The following DENND1A variants were observed in gnomAD, a reference collection of about 807,000 sequenced individuals.
DENND1A encodes the protein DENN domain-containing protein 1A.
A neutral mutation model predicts 113.7 loss-of-function variants in DENND1A; 51 were observed. The observed-to-expected ratio is 0.45, with a 90% CI of 0.36 to 0.57. The LOEUF (loss-of-function observed/expected upper bound fraction) is 0.57. Ranked by LOEUF, DENND1A falls within the 20% of genes least tolerant of loss-of-function variation. The pLI, the probability that DENND1A is intolerant of heterozygous loss-of-function variation, is 0.00. For synonymous variants in DENND1A, 565 were observed against 570.8 expected (o/e 0.99, Z 0.14); for missense variants, 1,258 against 1,395.9 (o/e 0.90, Z 1.57).
chr9:123,649,617 A>G (rs1164054362), intron 9 of DENND1A, among the ~76,000 whole-genome samples: 1 of 152,180 alleles, frequency 6.6e-6, no homozygotes, highest in African/African-American at 2.4e-5. Flanking sequence ...AAGTTAAATA[A>G]CCTATTTAAT....
intron 21 of DENND1A, among the ~76,000 whole-genome samples, chr9:123,393,538 T>TAAAAAA (rs556159877): frequency 7.6e-6 from 1 of 131,746 alleles, no homozygotes; most frequent in Non-Finnish European, 1.7e-5. Context: ...CTTAAAAAAA[T>TAAAAAA]AAAAAAAAAA....
At chr9:123,516,702 A>G (rs1388715454) in intron 13 of DENND1A, among the ~76,000 whole-genome samples, 7 of 151,930 alleles carry the variant, frequency 4.6e-5, no homozygotes, top group Non-Finnish European at 5.9e-5. Flanking sequence ...CCTGGCCAAC[A>G]TGGTGAAATC....
intron 19 of DENND1A, among the ~76,000 whole-genome samples, chr9:123,426,644 A>G (rs745331115): frequency 6.6e-6 from 1 of 152,192 alleles, no homozygotes; most frequent in African/African-American, 2.4e-5. Flanking sequence ...GCTGGACTCT[A>G]CAGGGCAATC....
chr9:123,478,178 G>A (rs1423720373), intron 13 of DENND1A, among the ~76,000 whole-genome samples: 1 of 152,200 alleles, frequency 6.6e-6, no homozygotes, highest in East Asian at 1.9e-4. Context: ...GACCTGACAC[G>A]GACTGAACCC....
chr9:123,395,493 T>TGTGTGTGTGA (rs2043075187), intron 21 of DENND1A, among the ~76,000 whole-genome samples: 1 of 146,094 alleles, frequency 6.8e-6, no homozygotes, highest in African/African-American at 2.5e-5. Flanking sequence ...TGTGTGTGTG[T>TGTGTGTGTGA]GACAGAGAGA....
chr9:123,846,014 A>C (rs1485203062), intron 2 of DENND1A, among the ~76,000 whole-genome samples: 1 of 152,218 alleles, frequency 6.6e-6, no homozygotes, highest in African/African-American at 2.4e-5. Context: ...GACCCTTATA[A>C]CCTGGTAATT....
At chr9:123,798,030 T>C (rs1834036128) in intron 2 of DENND1A, among the ~76,000 whole-genome samples, 1 of 152,196 alleles carries the variant, frequency 6.6e-6, no homozygotes, top group South Asian at 2.1e-4. Context: ...AAATCTATTC[T>C]AGGTGTAACT....
chr9:123,856,953 G>C (rs987803860), intron 2 of DENND1A, among the ~76,000 whole-genome samples: 1 of 151,868 alleles, frequency 6.6e-6, no homozygotes, highest in East Asian at 1.9e-4. Flanking sequence ...TGAATGAATC[G>C]GTGGTATTGG....
chr9:123,690,531 C>T (rs930119618), intron 5 of DENND1A, among the ~76,000 whole-genome samples: 2 of 152,270 alleles, frequency 1.3e-5, no homozygotes, highest in Middle Eastern at 3.4e-3. Context: ...AAAACATTTA[C>T]AATATATTTA....
At chr9:123,720,765 C>G (rs891186504) in intron 5 of DENND1A, among the ~76,000 whole-genome samples, 1 of 152,218 alleles carries the variant, frequency 6.6e-6, no homozygotes, top group Admixed American at 6.5e-5. Flanking sequence ...CTTCCTGCTG[C>G]CATCCAGCAT....
At chr9:123,684,837 T>G (rs942929324) in intron 5 of DENND1A, among the ~76,000 whole-genome samples, 14 of 152,164 alleles carry the variant, frequency 9.2e-5, no homozygotes, top group Non-Finnish European at 1.3e-4. Context: ...GGCCCATGTC[T>G]CAGTATCTGG....
At chr9:123,798,934 C>G (rs1205129180) in intron 2 of DENND1A, among the ~76,000 whole-genome samples, 1 of 151,974 alleles carries the variant, frequency 6.6e-6, no homozygotes, top group Non-Finnish European at 1.5e-5. Context: ...TGATTATAAT[C>G]TCAGGCTTCC....
At chr9:123,904,415 A>G (rs942352995) in intron 1 of DENND1A, among the ~76,000 whole-genome samples, 10 of 151,078 alleles carry the variant, frequency 6.6e-5, no homozygotes, top group African/African-American at 2.4e-4. Flanking sequence ...CGATCAAATT[A>G]CTCTGAGCTA....
chr9:123,649,626 A>G (rs1470263404), intron 9 of DENND1A, among the ~76,000 whole-genome samples: 3 of 152,184 alleles, frequency 2.0e-5, no homozygotes, highest in Non-Finnish European at 4.4e-5. Flanking sequence ...AACCTATTTA[A>G]TTTTTATATT....
chr9:123,383,642 G>A lies in DENND1A; in HGVS notation c.2019+13C>T. On this transcript the variant is annotated intron_variant, in intron 23 of 23. Coordinates refer to ENST00000394215, the MANE Select transcript of DENND1A (RefSeq NM_001352964.2). Reference sequence around the variant, plus strand: ...CGGCCCCCGGCCGATACCCTCCCTTGCCCATGCCATACCTGATAGTCAAAG... The same window carrying A: ...CGGCCCCCGGCCGATACCCTCCCTTACCCATGCCATACCTGATAGTCAAAG... 1 of 1,608,842 alleles carries A rather than the reference G, an allele frequency of 6.2e-7. No individual in the cohort carries two copies. The highest frequency in any genetic ancestry group is 8.5e-7 in the Non-Finnish European group (1 of 1,176,486).
chr9:123,804,251 T>C (rs1835168461), intron 2 of DENND1A, among the ~76,000 whole-genome samples: 1 of 152,252 alleles, frequency 6.6e-6, no homozygotes, highest in African/African-American at 2.4e-5. Flanking sequence ...TTGTTCCTCC[T>C]TGCCTTCTAC....
At chr9:123,760,219 C>T (rs2070921136) in intron 4 of DENND1A, among the ~76,000 whole-genome samples, 1 of 152,104 alleles carries the variant, frequency 6.6e-6, no homozygotes, top group Non-Finnish European at 1.5e-5. Flanking sequence ...GTTTACCAAG[C>T]TTTTTCCAAA....
At chr9:123,882,488 A>G (rs1848460896) in intron 1 of DENND1A, among the ~76,000 whole-genome samples, 1 of 152,114 alleles carries the variant, frequency 6.6e-6, no homozygotes, top group African/African-American at 2.4e-5. Flanking sequence ...CAGTCAACCA[A>G]TCAGAAAATT....
chr9:123,716,344 G>A (rs1245377978), intron 5 of DENND1A, among the ~76,000 whole-genome samples: 1 of 152,146 alleles, frequency 6.6e-6, no homozygotes, highest in Non-Finnish European at 1.5e-5. Context: ...GCTTTTAAAA[G>A]TTCCCATATA....
Sources: allele counts gnomAD v4.1 joint callset (sites outside exome capture counted in the v4.1 genomes callset), GRCh38; gene constraint gnomAD v4.1.1; transcripts MANE v1.5; gene names NCBI Gene and HGNC (gene_info 2026-07-23, HGNC 2026-07-21).